Variants in HPSE2 observed in about 807,000 individuals in gnomAD.
The protein encoded by HPSE2 is heparanase 2 (inactive), also known as inactive heparanase-2.
Under a neutral mutation model 60.5 loss-of-function variants are expected in HPSE2, and 38 were observed. The observed-to-expected ratio is 0.63, with a 90% CI of 0.48 to 0.82. HPSE2 has a LOEUF of 0.82. Ranked by LOEUF, HPSE2 falls within the 40% of genes least tolerant of loss-of-function variation. HPSE2 has a pLI of 0.00. For missense variants in HPSE2, 713 were observed against 740.4 expected, an observed-to-expected ratio of 0.96 and a Z score of 0.43; for synonymous variants, 295 against 293.2, an observed-to-expected ratio of 1.01 and a Z score of -0.06.
At chr10:98,480,464 G>A (rs1353554737) in intron 11 of HPSE2, among the ~76,000 whole-genome samples, 3 of 152,048 alleles carry the variant, frequency 2.0e-5, no homozygotes, top group Admixed American at 1.3e-4. Context: ...ATGACATATC[G>A]CTAGCTAGTG....
At chr10:98,661,073 G>A (rs1206867083) in intron 6 of HPSE2, among the ~76,000 whole-genome samples, 1 of 152,096 alleles carries the variant, frequency 6.6e-6, no homozygotes, top group Non-Finnish European at 1.5e-5. Context: ...TTCCTCCCAG[G>A]GTGTATGAGC....
At chr10:98,999,265 T>A (rs916646209) in intron 3 of HPSE2, among the ~76,000 whole-genome samples, 12 of 151,896 alleles carry the variant, frequency 7.9e-5, no homozygotes, top group Admixed American at 3.3e-4. Flanking sequence ...AATAAATATA[T>A]GGAGGAAATA....
intron 3 of HPSE2, among the ~76,000 whole-genome samples, chr10:98,945,797 T>TA (rs1421488161): frequency 6.6e-6 from 1 of 152,158 alleles, no homozygotes; most frequent in Non-Finnish European, 1.5e-5. Flanking sequence ...AAATGGTACC[T>TA]AAAAAGAGAA....
At chr10:98,485,320 T>A (rs1467979291) in intron 10 of HPSE2, among the ~76,000 whole-genome samples, 2 of 152,168 alleles carry the variant, frequency 1.3e-5, no homozygotes, top group African/African-American at 4.8e-5. Flanking sequence ...CTGAAGTATA[T>A]CCTGCTGGCT....
chr10:98,993,770 T>C (rs1426595970), intron 3 of HPSE2, among the ~76,000 whole-genome samples: 1 of 152,134 alleles, frequency 6.6e-6, no homozygotes, highest in East Asian at 1.9e-4. Flanking sequence ...ATAAATTTTT[T>C]CCTGAACAGC....
In HPSE2 at chr10:98,620,706, C is replaced by T. The variant is rs2133986434; in HGVS notation, c.1101G>A (p.Val367=). ...LSDQIRKIQK[V]VNTYTPGKKI... ...TCTTTCCTGGAGTGTATGTATTAACCACCTGTTTACACAACAAAAGCAGAA... is the reference window on the plus strand; with the variant it reads ...TCTTTCCTGGAGTGTATGTATTAACTACCTGTTTACACAACAAAAGCAGAA... Residue 367 remains valine, a splice_region_variant and synonymous_variant, in exon 8 of 12, where the codon GTG becomes GTA. Transcript: ENST00000370552. 6.2e-7 allele frequency: 1 copy of T among 1,605,664 alleles called. No homozygotes were observed. Among genetic ancestry groups the T allele is most frequent in the South Asian group, 1.1e-5 (1 of 90,722 alleles).
intron 3 of HPSE2, among the ~76,000 whole-genome samples, chr10:98,891,491 C>A (rs1485852596): frequency 6.6e-6 from 1 of 152,042 alleles, no homozygotes; most frequent in East Asian, 1.9e-4. Context: ...CTGTGTGACC[C>A]AGGCTGGAAT....
chr10:98,894,373 A>C, intron 3 of HPSE2, among the ~76,000 whole-genome samples: 1 of 152,200 alleles, frequency 6.6e-6, no homozygotes, highest in East Asian at 1.9e-4. Flanking sequence ...TGATATAATA[A>C]GGGATACTTT....
intron 11 of HPSE2, among the ~76,000 whole-genome samples, chr10:98,467,544 C>T (rs1275985810): frequency 6.6e-6 from 1 of 152,110 alleles, no homozygotes; most frequent in East Asian, 1.9e-4. Context: ...ATAAGTCCGA[C>T]TGTGTGTTTG....
intron 2 of HPSE2, among the ~76,000 whole-genome samples, chr10:99,219,947 A>G (rs561137563): frequency 1.3e-5 from 2 of 152,344 alleles, no homozygotes; most frequent in South Asian, 4.1e-4. Context: ...GATGAGTAAT[A>G]TTCAAAGAGA....
chr10:99,117,005 A>G (rs573378051), intron 3 of HPSE2, among the ~76,000 whole-genome samples: 2 of 152,256 alleles, frequency 1.3e-5, no homozygotes, highest in African/African-American at 4.8e-5. Context: ...GAGAACAAAA[A>G]AAGAAAGAAA....
At chr10:98,545,073 C>G (rs1156952915) in intron 9 of HPSE2, among the ~76,000 whole-genome samples, 8 of 152,102 alleles carry the variant, frequency 5.3e-5, no homozygotes, top group Admixed American at 2.0e-4. Context: ...ATAAATTCCT[C>G]GACACATACA....
chr10:99,146,839 T>C (rs771037752), intron 2 of HPSE2, among the ~76,000 whole-genome samples: 4 of 152,060 alleles, frequency 2.6e-5, no homozygotes, highest in Non-Finnish European at 4.4e-5. Flanking sequence ...CCAGTCTGGG[T>C]GAAAGAGTGA....
chr10:98,735,394 G>T (rs1370328421), intron 4 of HPSE2, among the ~76,000 whole-genome samples: 1 of 150,412 alleles, frequency 6.6e-6, no homozygotes, highest in East Asian at 2.0e-4. Flanking sequence ...CCAGGCAAAA[G>T]TTTGCTACAG....
intron 4 of HPSE2, among the ~76,000 whole-genome samples, chr10:98,730,490 A>G (rs1949199821): frequency 2.6e-5 from 4 of 152,200 alleles, no homozygotes; most frequent in Admixed American, 6.5e-5. Flanking sequence ...GTAGATATCA[A>G]TGATATTTTT....
At chr10:98,832,827 A>G (rs1406974329) in intron 3 of HPSE2, among the ~76,000 whole-genome samples, 2 of 152,176 alleles carry the variant, frequency 1.3e-5, no homozygotes, top group African/African-American at 4.8e-5. Flanking sequence ...TTGCAAGAGA[A>G]TATTATGTGA....
chr10:99,036,935 T>C (rs1957622351), intron 3 of HPSE2, among the ~76,000 whole-genome samples: 1 of 152,078 alleles, frequency 6.6e-6, no homozygotes, highest in African/African-American at 2.4e-5. Flanking sequence ...AATTGTAAGT[T>C]AACAGAGAAA....
At chr10:98,736,836 G>A (rs1589736713) in intron 4 of HPSE2, among the ~76,000 whole-genome samples, 1 of 152,322 alleles carries the variant, frequency 6.6e-6, no homozygotes, top group South Asian at 2.1e-4. Context: ...GTAGTGGCCA[G>A]AGAAGGAATT....
In HPSE2 at chr10:98,791,090, T is replaced by C. The variant is rs76308710; in HGVS notation, c.611-47034A>G. ...CAATAAATATTCTGCAAATTTTTTA[T>C]TGTTATAGAACAAAGAGACTATCTT... On this transcript the variant is annotated intron_variant, in intron 3 of 11. Transcript: ENST00000370552. Among the ~76,000 whole-genome samples the C allele has an allele frequency of 3.7e-3, 560 of 152,344 alleles. 4 individuals carry two copies. Among genetic ancestry groups the C allele is most frequent in the African/African-American group, 0.013 (541 of 41,576 alleles).
Sources: gnomAD v4.1 joint callset for allele counts (sites outside exome capture counted in the v4.1 genomes callset) on GRCh38, gnomAD v4.1.1 for gene constraint, MANE v1.5 for transcripts, NCBI Gene and HGNC (gene_info 2026-07-23, HGNC 2026-07-21) for gene names.